The following DCC variants were observed in gnomAD, a reference collection of about 807,000 sequenced individuals.
DCC encodes DCC netrin 1 receptor, also known as netrin receptor DCC.
In DCC, 58 loss-of-function variants were observed where a neutral mutation model predicts 172.5. The observed-to-expected ratio is 0.34, with a 90% confidence interval of 0.27 to 0.42. The LOEUF is 0.42. Among genes scored for constraint, DCC ranks in the 10% least tolerant of loss-of-function variants. The pLI is 1.00. For synonymous variants in DCC, 709 were observed against 644.5 expected (o/e 1.10, Z -1.52); for missense variants, 1,740 against 1,791.0 (o/e 0.97, Z 0.51).
chr18:52,542,059 T>C (rs1485723537), intron 1 of DCC, among the ~76,000 whole-genome samples: 1 of 149,398 alleles, frequency 6.7e-6, no homozygotes, highest in African/African-American at 2.4e-5. Flanking sequence ...AGCTGTCCCT[T>C]TACATTTATG....
At chr18:53,007,186 T>A (rs1385061434) in intron 5 of DCC, among the ~76,000 whole-genome samples, 1 of 152,210 alleles carries the variant, frequency 6.6e-6, no homozygotes, top group Non-Finnish European at 1.5e-5. Flanking sequence ...ATATCTAGTC[T>A]TTGTTGGAAA....
intron 18 of DCC, among the ~76,000 whole-genome samples, chr18:53,398,686 T>C (rs540394462): frequency 6.6e-6 from 1 of 152,240 alleles, no homozygotes; most frequent in Non-Finnish European, 1.5e-5. Context: ...CTCATAAACA[T>C]AAAATGCACA....
chr18:53,371,223 A>G (rs1324845586), intron 15 of DCC, among the ~76,000 whole-genome samples: 2 of 151,946 alleles, frequency 1.3e-5, no homozygotes, highest in African/African-American at 4.8e-5. Context: ...TCATCTGTCT[A>G]TTTGCAGCTT....
intron 2 of DCC, among the ~76,000 whole-genome samples, chr18:52,812,359 T>C (rs1213619941): frequency 1.3e-5 from 2 of 152,186 alleles, no homozygotes; most frequent in African/African-American, 2.4e-5. Flanking sequence ...TTTCTCTAAA[T>C]TGAGGTTGAC....
rs576906496 is a variant in DCC at position 53,395,009 on chromosome 18, T to TGG, written c.2689-2293_2689-2292dup. On this transcript the variant is annotated intron_variant, in intron 17 of 28. Coordinates refer to ENST00000442544, the MANE Select transcript of DCC (RefSeq NM_005215.4). The stretch of plus-strand genomic sequence containing the variant: ...AAATACAAAAATTAGCTGGGCGTGG[T>TGG]GGGGGGGCGGGGCGCCTGTAATCCC... Among the ~76,000 whole-genome samples, 5 of 104,314 alleles carry TGG rather than the reference T, an allele frequency of 4.8e-5. No homozygotes were observed. The East Asian group carries it at 1.2e-3, about 26-fold the overall frequency. The allele number at this position is 104,314 out of a possible 152,430, so 68.4% of individuals were successfully genotyped here.
chr18:52,899,149 ATTAT>A (rs1023958819), intron 2 of DCC, among the ~76,000 whole-genome samples: 3 of 151,218 alleles, frequency 2.0e-5, no homozygotes, highest in African/African-American at 4.9e-5. Flanking sequence ...CTCCTATTTT[ATTAT>A]TTATTTATTT....
At chr18:52,476,957 C>T (rs1344876548) in intron 1 of DCC, among the ~76,000 whole-genome samples, 1 of 152,068 alleles carries the variant, frequency 6.6e-6, no homozygotes, top group Non-Finnish European at 1.5e-5. Context: ...TAGCAGGGAG[C>T]TTATAAAGCA....
chr18:53,182,098 A>T, intron 9 of DCC, among the ~76,000 whole-genome samples: 1 of 152,216 alleles, frequency 6.6e-6, no homozygotes, highest in Admixed American at 6.5e-5. Context: ...TTTGCTTAAC[A>T]ATTAGCGTAA....
At chr18:52,488,411 A>G (rs2030335648) in intron 1 of DCC, among the ~76,000 whole-genome samples, 1 of 152,150 alleles carries the variant, frequency 6.6e-6, no homozygotes, top group Non-Finnish European at 1.5e-5. Flanking sequence ...GCTTGTGTAT[A>G]CCATTAGGAT....
At chr18:53,197,297 C>T (rs1221335507) in intron 9 of DCC, among the ~76,000 whole-genome samples, 1 of 151,664 alleles carries the variant, frequency 6.6e-6, no homozygotes, top group Non-Finnish European at 1.5e-5. Flanking sequence ...AATTAGCAAA[C>T]TAATAAAGGG....
intron 1 of DCC, among the ~76,000 whole-genome samples, chr18:52,631,430 A>G (rs1312234623): frequency 6.6e-6 from 1 of 152,256 alleles, no homozygotes; most frequent in Admixed American, 6.5e-5. Flanking sequence ...TTGCACTGCC[A>G]GTGGTTCTTT....
At chr18:53,045,517 C>T (rs1460381753) in intron 5 of DCC, among the ~76,000 whole-genome samples, 1 of 151,836 alleles carries the variant, frequency 6.6e-6, no homozygotes, top group African/African-American at 2.4e-5. Flanking sequence ...GCTTAATACA[C>T]ACATGTGCAC....
chr18:52,698,201 A>C (rs1279758794), intron 1 of DCC, among the ~76,000 whole-genome samples: 1 of 152,216 alleles, frequency 6.6e-6, no homozygotes, highest in Non-Finnish European at 1.5e-5. Flanking sequence ...ATTCCTCCAC[A>C]ACATCAAGCC....
At chr18:52,534,758 G>A (rs1452941555) in intron 1 of DCC, among the ~76,000 whole-genome samples, 1 of 151,962 alleles carries the variant, frequency 6.6e-6, no homozygotes, top group Non-Finnish European at 1.5e-5. Context: ...CTTCATTAGG[G>A]ATCTTTAATT....
chr18:52,919,459 TG>T (rs1164651025), intron 3 of DCC, among the ~76,000 whole-genome samples: 12 of 152,264 alleles, frequency 7.9e-5, no homozygotes, highest in Middle Eastern at 3.4e-3. Context: ...CCAAACTTAT[TG>T]GGGAAATAAG....
intron 1 of DCC, among the ~76,000 whole-genome samples, chr18:52,658,028 G>A (rs2035287334): frequency 2.0e-5 from 3 of 152,154 alleles, no homozygotes; most frequent in Admixed American, 6.5e-5. Context: ...TTAAGAGCCA[G>A]ACCTAGATAT....
At chr18:52,387,757 TCTCTA>T (rs1254518228) in intron 1 of DCC, among the ~76,000 whole-genome samples, 1 of 152,044 alleles carries the variant, frequency 6.6e-6, no homozygotes, top group African/African-American at 2.4e-5. Flanking sequence ...ATTGCAATGC[TCTCTA>T]CTCTTTCAAA....
intron 1 of DCC, among the ~76,000 whole-genome samples, chr18:52,683,810 T>C (rs1487248993): frequency 6.6e-6 from 1 of 152,056 alleles, no homozygotes; most frequent in African/African-American, 2.4e-5. Flanking sequence ...AGAAAAAAAG[T>C]CTTATGTCTT....
chr18:52,470,394 TGTACCTGACAGCATTCACCTTTCTG>T (rs2144559383), intron 1 of DCC, among the ~76,000 whole-genome samples: 1 of 152,306 alleles, frequency 6.6e-6, no homozygotes, highest in East Asian at 1.9e-4. Context: ...AGACCTAGAA[TGTACCTGACAGCATTCACCTTTCTG>T]GTCCAATATC....
Sources: allele counts gnomAD v4.1 joint callset (sites outside exome capture counted in the v4.1 genomes callset), GRCh38; gene constraint gnomAD v4.1.1; transcripts MANE v1.5; gene names NCBI Gene and HGNC (gene_info 2026-07-23, HGNC 2026-07-21).